Variants in TIGD7 observed in about 807,000 individuals in gnomAD.
TIGD7 encodes tigger transposable element-derived protein 7.
Under a neutral mutation model 24.8 loss-of-function variants are expected in TIGD7, and 26 were observed. The observed-to-expected ratio is 1.05, with a 90% confidence interval of 0.77 to 1.45. TIGD7 has a LOEUF of 1.45. Among genes scored for constraint, TIGD7 ranks in the 40% most tolerant of loss-of-function variants. The probability of loss-of-function intolerance (pLI) is 0.00; values close to 1 mark genes in which losing one functional copy is unlikely to be tolerated. For synonymous variants in TIGD7, 221 were observed against 224.1 expected, an observed-to-expected ratio of 0.99 and a Z score of 0.12; for missense variants, 679 against 641.6, an observed-to-expected ratio of 1.06 and a Z score of -0.63.
rs1358260325 is a variant in TIGD7 at position 3,301,228 on chromosome 16, C to T, written c.-614G>A. 2.4e-5 allele frequency: 4 copies of T among 167,120 alleles called. No homozygotes were observed. Among genetic ancestry groups the T allele is most frequent in the African/African-American group, 9.6e-5 (4 of 41,458 alleles). The allele number at this position is 167,120 out of a possible 1,614,324, so 10.4% of individuals were successfully genotyped here. A position where few individuals can be genotyped will look rare whatever the true frequency, so the allele number is the denominator to read the frequency against. On this transcript the variant is annotated 5_prime_UTR_variant, in exon 2 of 2. The change abolishes an upstream ATG in the 5' untranslated region. Transcript: ENST00000396862. The stretch of plus-strand genomic sequence containing the variant: ...ACATAGTGTTCACTGGGCAGCAGTT[C>T]ATCTACCTGGATAAGGGCTCCGAGC...
At position 3,300,469 on chromosome 16, in the gene TIGD7, T is replaced by C; in HGVS notation, c.146A>G (p.Lys49Arg). 6.2e-7 allele frequency: 1 copy of C among 1,614,176 alleles called. No homozygotes were observed. Among genetic ancestry groups the C allele is most frequent in the Non-Finnish European group, 8.5e-7 (1 of 1,180,036 alleles). ...CAGTACAAAGTCCAGAATTAACTTCTTATTTTTTTTAATGTCATAAAATGT... is the reference window on the plus strand; with the variant it reads ...CAGTACAAAGTCCAGAATTAACTTCCTATTTTTTTTAATGTCATAAAATGT... Reference protein sequence around the residue: ...KSTFYDIKKNKKLILDFVLKQ... With the variant: ...KSTFYDIKKNRKLILDFVLKQ... The change falls in exon 2 of 2, where the codon AAG (lysine) becomes AGG (arginine). Residue 49 changes from lysine to arginine, a missense_variant. Coordinates refer to ENST00000396862, the MANE Select transcript of TIGD7 (RefSeq NM_033208.4).
At position 3,300,440 on chromosome 16, in the gene TIGD7, G is replaced by C. The variant is rs368061526; in HGVS notation, c.175C>G (p.Gln59Glu). Residue 59 changes from glutamine (Q) to glutamate (E), a missense_variant, in exon 2 of 2, where the codon CAG (glutamine) becomes GAG (glutamate). Transcript: ENST00000396862. ...KKLILDFVLKQDMPLVGAEKR... is the reference protein window; with the variant it reads ...KKLILDFVLKEDMPLVGAEKR... ...TCAGCCCCTACTAATGGCATGTCCT[G>C]CTTCAGTACAAAGTCCAGAATTAAC... The C allele has an allele frequency of 3.1e-5, 50 of 1,614,000 alleles. No individual in the cohort carries two copies. Among genetic ancestry groups the C allele is most frequent in the Non-Finnish European group, 3.9e-5 (46 of 1,180,028 alleles).
chr16:3,299,657 G>A lies in TIGD7; in HGVS notation c.958C>T (p.Pro320Ser). Reference sequence around the variant, plus strand: ...TGAATCAAGGTTGAAGTGTTATGGGGGAAGAACATACATTTTATTCGACCA... The same window carrying A: ...TGAATCAAGGTTGAAGTGTTATGGGAGAAGAACATACATTTTATTCGACCA... The part of the protein sequence containing the change: ...EDGRIKCMFF[P>S]HNTSTLIQPM... The change falls in exon 2 of 2, where the codon CCC becomes TCC. Residue 320 changes from proline (P) to serine (S), a missense_variant. Transcript: ENST00000396862. The A allele has an allele frequency of 6.4e-7, 1 of 1,556,722 alleles. No individual in the cohort carries two copies. Among genetic ancestry groups the A allele is most frequent in the Non-Finnish European group, 8.6e-7 (1 of 1,158,494 alleles).
intron 1 of TIGD7, among the ~76,000 whole-genome samples, chr16:3,302,372 C>T (rs186708833): frequency 1.7e-3 from 252 of 152,200 alleles, no homozygotes; most frequent in Admixed American, 4.3e-3. Context: ...ATGATCCGCC[C>T]GCCTCAGCCT....
At position 3,300,089 on chromosome 16, in the gene TIGD7, T is replaced by C. The variant is rs1174779145; in HGVS notation, c.526A>G (p.Ser176Gly). The change falls in exon 2 of 2, where the codon AGT (serine) becomes GGT (glycine). Residue 176 changes from serine (S) to glycine (G), a missense_variant. Physicochemically the swap from Ser to Gly is moderately conservative, Grantham distance 56. Transcript: ENST00000396862. ...CAAAAGAGGTCTGTTTCATCCCCAC[T>C]GTATAGCTGAGCTAGACACAGTTTC... ...EEKLCLAQLY[S>G]GDETDLFWKS... The C allele has an allele frequency of 1.2e-6, 2 of 1,614,224 alleles. No individual in the cohort carries two copies. Among genetic ancestry groups the C allele is most frequent in the Non-Finnish European group, 8.5e-7 (1 of 1,180,034 alleles).
rs778089700 is a variant in TIGD7 at position 3,300,424 on chromosome 16, A to G, written c.191T>C (p.Val64Ala). ...TGTCCTCTTTCTCTTCTCAGCCCCTACTAATGGCATGTCCTGCTTCAGTAC... is the reference window on the plus strand; with the variant it reads ...TGTCCTCTTTCTCTTCTCAGCCCCTGCTAATGGCATGTCCTGCTTCAGTAC... ...DFVLKQDMPLVGAEKRKRTTG... is the reference protein window; with the variant it reads ...DFVLKQDMPLAGAEKRKRTTG... The change falls in exon 2 of 2, where the codon GTA becomes GCA. Residue 64 changes from valine to alanine, a missense_variant. Val to Ala is a moderately conservative substitution (Grantham distance 64). Transcript: ENST00000396862. 2 of 1,613,994 alleles carry G rather than the reference A, an allele frequency of 1.2e-6. No individual in the cohort carries two copies. The highest frequency in any genetic ancestry group is 2.2e-5 in the South Asian group (2 of 91,072).
chr16:3,302,833 C>CTTTTTTTTT, intron 1 of TIGD7, among the ~76,000 whole-genome samples: 1 of 121,432 alleles, frequency 8.2e-6, no homozygotes, highest in Non-Finnish European at 1.7e-5. Context: ...GTGCCGTCGT[C>CTTTTTTTTT]TTTTTTTTTT....
intron 1 of TIGD7, chr16:3,303,673 G>A (rs1960006557): frequency 6.6e-6 from 1 of 152,146 alleles, no homozygotes; most frequent in Non-Finnish European, 1.5e-5. Flanking sequence ...ATGCCTAAGA[G>A]GAGTTACATA....
chr16:3,300,570 T>G lies in TIGD7; in HGVS notation c.45A>C (p.Lys15Asn). ...GKYTTLNLEEKMKVLSRIEAG... is the reference protein window; with the variant it reads ...GKYTTLNLEENMKVLSRIEAG... ...CTTCAATTCTACTTAGAACCTTCAT[T>G]TTCTCCTCCAAATTCAGTGTTGTAT... The change falls in exon 2 of 2, where the codon AAA becomes AAC. Residue 15 changes from lysine to asparagine, a missense_variant. Coordinates refer to ENST00000396862, the MANE Select transcript of TIGD7 (RefSeq NM_033208.4). The G allele has an allele frequency of 6.2e-7, 1 of 1,604,720 alleles. No homozygotes were observed. Among genetic ancestry groups the G allele is most frequent in the Non-Finnish European group, 8.5e-7 (1 of 1,176,388 alleles).
Position 3,300,400 on chromosome 16 carries a change from G to T in TIGD7, c.215C>A (p.Thr72Lys). The T allele has an allele frequency of 2.5e-6, 4 of 1,614,164 alleles. No individual in the cohort carries two copies. Among genetic ancestry groups the T allele is most frequent in the Non-Finnish European group, 1.7e-6 (2 of 1,180,044 alleles). ...PLVGAEKRKR[T>K]TGAKYGDVDD... is the part of the protein sequence containing the mutation. ...TACATCACCATATTTGGCTCCCGTT[G>T]TCCTCTTTCTCTTCTCAGCCCCTAC... Residue 72 changes from threonine (T) to lysine (K), a missense_variant, in exon 2 of 2, where the codon ACA becomes AAA. Physicochemically the swap from Thr to Lys is moderately conservative, Grantham distance 78. Coordinates refer to ENST00000396862, the MANE Select transcript of TIGD7 (RefSeq NM_033208.4).
At chr16:3,304,755 C>G (rs1449697831) in intron 1 of TIGD7, 1 of 152,196 alleles carries the variant, frequency 6.6e-6, no homozygotes, top group Non-Finnish European at 1.5e-5. Flanking sequence ...TGTGGAATGC[C>G]TATCTTACCA....
chr16:3,300,382 C>G lies in TIGD7; in HGVS notation c.233G>C (p.Gly78Ala). ...CATGTAGACCGCATCATCTACATCA[C>G]CATATTTGGCTCCCGTTGTCCTCTT... ...KRKRTTGAKY[G>A]DVDDAVYMWY... The change falls in exon 2 of 2, where the codon GGT becomes GCT. Residue 78 changes from glycine to alanine, a missense_variant. Physicochemically the swap from Gly to Ala is moderately conservative, Grantham distance 60 (BLOSUM62 0). Transcript: ENST00000396862. The G allele has an allele frequency of 6.2e-7, 1 of 1,614,208 alleles. No individual in the cohort carries two copies. Among genetic ancestry groups the G allele is most frequent in the Non-Finnish European group, 8.5e-7 (1 of 1,180,032 alleles).
intron 1 of TIGD7, among the ~76,000 whole-genome samples, chr16:3,302,666 A>C (rs529703756): frequency 9.2e-5 from 14 of 152,290 alleles, no homozygotes; most frequent in African/African-American, 2.9e-4. Context: ...ATCTTGGTTT[A>C]TCTCTTTCAC....
rs1400734168 is a variant in TIGD7 at position 3,301,581 on chromosome 16, C to A, written c.-967G>T. On this transcript the variant is annotated 5_prime_UTR_variant, in exon 2 of 2. Coordinates refer to ENST00000396862, the MANE Select transcript of TIGD7 (RefSeq NM_033208.4). The stretch of plus-strand genomic sequence containing the variant: ...GAGATATTATCAAGTTTCAGAATCA[C>A]AGCAATTCTCAGAGATGAGCCCAAA... 2 of 166,870 alleles carry A rather than the reference C, an allele frequency of 1.2e-5. No homozygotes were observed. Among genetic ancestry groups the A allele is most frequent in the African/African-American group, 4.8e-5 (2 of 41,466 alleles). The allele number at this position is 166,870 out of a possible 1,614,324, so 10.3% of individuals were successfully genotyped here.
Position 3,299,241 on chromosome 16 carries a change from T to C in TIGD7, c.1374A>G (p.Thr458=). The C allele has an allele frequency of 6.2e-7, 1 of 1,611,482 alleles. No homozygotes were observed. The highest frequency in any genetic ancestry group is 8.5e-7 in the Non-Finnish European group (1 of 1,179,262). Residue 458 remains threonine, a synonymous_variant, in exon 2 of 2, where the codon ACA becomes ACG. Transcript: ENST00000396862. ...GCLLKTKGGI[T]KEVVQKGGEA... ...CTCCTCCTTTTTGAACAACTTCCTT[T>C]GTTATTCCACCTTTGGTTTTTAGGA...
chr16:3,302,811 T>G (rs1959977807), intron 1 of TIGD7, among the ~76,000 whole-genome samples: 1 of 151,452 alleles, frequency 6.6e-6, no homozygotes, highest in East Asian at 1.9e-4. Context: ...TTGCTTTCAA[T>G]GCTTCTCAGC....
Position 3,301,838 on chromosome 16 carries a change from C to G in TIGD7, c.-1224G>C, listed in dbSNP as rs998007530. The G allele has an allele frequency of 6.0e-6, 1 of 167,086 alleles. No individual in the cohort carries two copies. The highest frequency in any genetic ancestry group is 2.4e-5 in the African/African-American group (1 of 41,452). The allele number at this position is 167,086 out of a possible 1,614,324, so 10.4% of individuals were successfully genotyped here. A position where few individuals can be genotyped will look rare whatever the true frequency, so the allele number is the denominator to read the frequency against. ...GTTTCTCATAAATCCTACTGGCAAACTCTTCTGTCCCTCTAGGCCCTCAAA... is the reference window on the plus strand; with the variant it reads ...GTTTCTCATAAATCCTACTGGCAAAGTCTTCTGTCCCTCTAGGCCCTCAAA... On this transcript the variant is annotated 5_prime_UTR_variant, in exon 2 of 2. Coordinates refer to ENST00000396862, the MANE Select transcript of TIGD7 (RefSeq NM_033208.4).
In TIGD7 at chr16:3,300,058, G is replaced by A. The variant is rs1248949910; in HGVS notation, c.557C>T (p.Ser186Leu). 1.9e-6 allele frequency: 3 copies of A among 1,614,030 alleles called. No homozygotes were observed. The African/African-American group carries it at 4.0e-5, about 22-fold the overall frequency. The change falls in exon 2 of 2, where the codon TCA (serine) becomes TTA (leucine). Residue 186 changes from serine (S) to leucine (L), a missense_variant. Coordinates refer to ENST00000396862, the MANE Select transcript of TIGD7 (RefSeq NM_033208.4). ...ACTTGCCTGAGAATTTTCTGGCATT[G>A]ACTTCCAAAAGAGGTCTGTTTCATC... ...SGDETDLFWKSMPENSQASRK... is the reference protein window; with the variant it reads ...SGDETDLFWKLMPENSQASRK...
Position 3,300,708 on chromosome 16 carries a change from T to C in TIGD7, c.-94A>G. 1.3e-6 allele frequency: 2 copies of C among 1,486,500 alleles called. No homozygotes were observed. The highest frequency in any genetic ancestry group is 1.8e-6 in the Non-Finnish European group (2 of 1,121,894). 92.1% of individuals were successfully genotyped at this position (1,486,500 alleles called of 1,614,324 possible). A position where few individuals can be genotyped will look rare whatever the true frequency, so the allele number is the denominator to read the frequency against. ...AAAACCCACATTTTTTAAACAAAAC[T>C]TAGCTGAAAGCCCCAGAAGGCATGG... On this transcript the variant is annotated 5_prime_UTR_variant, in exon 2 of 2. An upstream open reading frame in the 5' UTR loses its in-frame stop. Transcript: ENST00000396862.
Sources: gnomAD v4.1 joint callset for allele counts (sites outside exome capture counted in the v4.1 genomes callset) on GRCh38, gnomAD v4.1.1 for gene constraint, MANE v1.5 for transcripts, NCBI Gene and HGNC (gene_info 2026-07-23, HGNC 2026-07-21) for gene names.